SPRY3: variants seen among roughly 807,000 people sequenced by gnomAD.
SPRY3 encodes the protein protein sprouty homolog 3.
Under a neutral mutation model 20.2 loss-of-function variants are expected in SPRY3, and 15 were observed. That is an observed-to-expected ratio of 0.74 (90% CI 0.50 to 1.14). The LOEUF is 1.14. SPRY3 is among the 50% of genes most tolerant of loss of function. The probability of loss-of-function intolerance (pLI) is 0.00; values close to 1 mark genes in which losing one functional copy is unlikely to be tolerated. For missense variants in SPRY3, 364 were observed against 363.9 expected (o/e 1.00, Z 0.00); for synonymous variants, 143 against 136.5 (o/e 1.05, Z -0.33).
chrX:155,679,624 T>C (rs2068067866), intron 2 of SPRY3, among the ~76,000 whole-genome samples: 1 of 111,959 alleles, frequency 8.9e-6, no homozygotes, highest in Admixed American at 9.5e-5. Context: ...GAGGGACACA[T>C]GCATTCAAAC....
intron 2 of SPRY3, among the ~76,000 whole-genome samples, chrX:155,705,845 G>A (rs1475850621): frequency 6.6e-6 from 1 of 151,260 alleles, no homozygotes; most frequent in East Asian, 1.9e-4. Context: ...TTACAACATA[G>A]TACTATGTAC....
chrX:155,687,677 G>C (rs774431133), intron 2 of SPRY3, among the ~76,000 whole-genome samples: 2 of 112,068 alleles, frequency 1.8e-5, no homozygotes, highest in African/African-American at 6.5e-5. Context: ...ATGACTTTAA[G>C]TCCAGCAGAA....
chrX:155,700,330 A>G (rs1384395337), intron 2 of SPRY3, among the ~76,000 whole-genome samples: 1 of 109,148 alleles, frequency 9.2e-6, no homozygotes. Context: ...AAATCTTTAT[A>G]AGTTAGCAAT....
intron 1 of SPRY3, among the ~76,000 whole-genome samples, chrX:155,623,981 A>G (rs921969999): frequency 8.9e-6 from 1 of 112,366 alleles, no homozygotes; most frequent in Non-Finnish European, 1.9e-5. Flanking sequence ...GAATTAAGTG[A>G]GATAGTGAAT....
intron 3 of SPRY3, 31 bp from the exon 3 acceptor site, chrX:155,773,735 T>C (rs2091399052): frequency 2.0e-6 from 2 of 1,012,566 alleles, no homozygotes. Flanking sequence ...CTGTGTGTTC[T>C]CATTTACTGT....
chrX:155,628,382 T>C (rs933229057), intron 1 of SPRY3, among the ~76,000 whole-genome samples: 4 of 111,950 alleles, frequency 3.6e-5, no homozygotes, highest in African/African-American at 1.3e-4. Flanking sequence ...GAAACTATCA[T>C]CAGAGCGAAC....
chrX:155,643,270 T>C (rs1276014435), intron 1 of SPRY3, among the ~76,000 whole-genome samples: 1 of 112,172 alleles, frequency 8.9e-6, no homozygotes, highest in Non-Finnish European at 1.9e-5. Context: ...GAAATCAATT[T>C]TGTCTGATGT....
intron 2 of SPRY3, among the ~76,000 whole-genome samples, chrX:155,719,248 C>T: frequency 6.6e-6 from 1 of 152,130 alleles, no homozygotes; most frequent in East Asian, 1.9e-4. Context: ...AGCTGATGCC[C>T]GCCCATGGAG....
chrX:155,665,857 G>A (rs781922434), intron 2 of SPRY3, among the ~76,000 whole-genome samples: 75 of 111,388 alleles, frequency 6.7e-4, no homozygotes, highest in Non-Finnish European at 1.0e-3. Flanking sequence ...TTTGGTGTCC[G>A]TTTAATCTCA....
intron 2 of SPRY3, among the ~76,000 whole-genome samples, chrX:155,740,665 GT>G (rs1291588636): frequency 6.6e-6 from 1 of 152,092 alleles, no homozygotes; most frequent in Non-Finnish European, 1.5e-5. Context: ...GTTTTCTGTT[GT>G]TTAAGATGTT....
intron 2 of SPRY3, among the ~76,000 whole-genome samples, chrX:155,738,265 GA>G (rs201029854): frequency 7.8e-4 from 117 of 150,196 alleles, no homozygotes; most frequent in South Asian, 2.5e-3. Context: ...TGCAGACTGG[GA>G]AAAAAAAATG....
At chrX:155,736,752 G>A (rs1389462990) in intron 2 of SPRY3, among the ~76,000 whole-genome samples, 1 of 151,750 alleles carries the variant, frequency 6.6e-6, no homozygotes, top group Non-Finnish European at 1.5e-5. Context: ...AATAATTTTG[G>A]AATATTCTCA....
chrX:155,628,937 T>G (rs1232455788), intron 1 of SPRY3, among the ~76,000 whole-genome samples: 1 of 111,978 alleles, frequency 8.9e-6, no homozygotes, highest in African/African-American at 3.2e-5. Flanking sequence ...TTTGTATGTC[T>G]TTTTTTGAGA....
At chrX:155,770,147 A>C (rs1444943588) in intron 3 of SPRY3, among the ~76,000 whole-genome samples, 1 of 152,178 alleles carries the variant, frequency 6.6e-6, no homozygotes, top group Non-Finnish European at 1.5e-5. Context: ...GGGAGAAAAC[A>C]AGAGCCAGGA....
At chrX:155,724,748 A>G (rs1048487275) in intron 2 of SPRY3, among the ~76,000 whole-genome samples, 28 of 152,192 alleles carry the variant, frequency 1.8e-4, no homozygotes, top group Non-Finnish European at 2.8e-4. Flanking sequence ...TAAATATGCA[A>G]TCATGTCATC....
intron 2 of SPRY3, among the ~76,000 whole-genome samples, chrX:155,672,503 A>G (rs1312559384): frequency 8.9e-6 from 1 of 111,883 alleles, no homozygotes; most frequent in Admixed American, 9.4e-5. Flanking sequence ...TGCAAATCAA[A>G]ACCACAATGA....
chrX:155,772,164 C>A (rs1008338869), intron 3 of SPRY3, among the ~76,000 whole-genome samples: 9 of 152,164 alleles, frequency 5.9e-5, no homozygotes, highest in African/African-American at 2.2e-4. Context: ...CAGACTGGTT[C>A]TTTGATGTGA....
intron 2 of SPRY3, among the ~76,000 whole-genome samples, chrX:155,740,811 C>T (rs986891504): frequency 8.1e-5 from 12 of 148,654 alleles, no homozygotes; most frequent in Non-Finnish European, 1.8e-4. Flanking sequence ...ATCTTTGTGA[C>T]CTACTCCCTG....
intron 2 of SPRY3, among the ~76,000 whole-genome samples, chrX:155,757,063 C>G (rs2091286206): frequency 6.6e-6 from 1 of 152,124 alleles, no homozygotes; most frequent in African/African-American, 2.4e-5. Context: ...TTTAAAATCA[C>G]AAGTCATATT....
Sources: allele counts gnomAD v4.1 joint callset (sites outside exome capture counted in the v4.1 genomes callset), GRCh38; gene constraint gnomAD v4.1.1; transcripts MANE v1.5; gene names NCBI Gene and HGNC (gene_info 2026-07-23, HGNC 2026-07-21).